Variants in COL6A3 observed in about 807,000 individuals in gnomAD.
COL6A3 encodes the protein collagen type VI alpha 3 chain.
A neutral mutation model predicts 274.1 loss-of-function variants in COL6A3; 137 were observed. That is an observed-to-expected ratio of 0.50 (90% CI 0.44 to 0.58). The LOEUF is 0.58. COL6A3 is among the 20% of genes least tolerant of loss of function. COL6A3 has a pLI of 0.00. For synonymous variants in COL6A3, 1,650 were observed against 1,650.6 expected (o/e 1.00, Z 0.01); for missense variants, 3,950 against 4,124.9 (o/e 0.96, Z 1.16).
chr2:237,407,237 C>A lies in COL6A3; in HGVS notation c.-31+6716G>T, dbSNP rs1363518544. Among the ~76,000 whole-genome samples, 3 of 152,140 alleles carry A rather than the reference C, an allele frequency of 2.0e-5. No homozygotes were observed. The highest frequency in any genetic ancestry group is 1.5e-5 in the Non-Finnish European group (1 of 68,030). On this transcript the variant is annotated intron_variant, in intron 1 of 43. Transcript: ENST00000295550. This position sits in a 1 kb window ranked among gnomAD's most constrained non-coding sequence, Gnocchi z 4.3. Reference sequence around the variant, plus strand: ...TTTGAATTTCTATTCTATGAAAATACTCTAGAACAATAATCTGTTTGACTC... The same window carrying A: ...TTTGAATTTCTATTCTATGAAAATAATCTAGAACAATAATCTGTTTGACTC...
At chr2:237,350,727 C>T (rs533310505) in intron 27 of COL6A3, among the ~76,000 whole-genome samples, 1 of 152,324 alleles carries the variant, frequency 6.6e-6, no homozygotes, top group South Asian at 2.1e-4. Flanking sequence ...AGCTGAGCCA[C>T]TGTGCGTGCA....
At chr2:237,336,556 C>T in intron 39 of COL6A3, 24 bp from the exon 40 acceptor site, 3 of 1,612,188 alleles carry the variant, frequency 1.9e-6, no homozygotes, top group Non-Finnish European at 1.7e-6. Context: ...TTAAATATTA[C>T]CTCTACTTTT....
At chr2:237,392,339 A>G (rs1338474574) in intron 3 of COL6A3, among the ~76,000 whole-genome samples, 1 of 152,164 alleles carries the variant, frequency 6.6e-6, no homozygotes, top group East Asian at 1.9e-4. Context: ...GTTATGAAAA[A>G]CTGACATCTG....
intron 3 of COL6A3, among the ~76,000 whole-genome samples, chr2:237,390,486 A>G (rs1226883791): frequency 6.6e-6 from 1 of 152,274 alleles, no homozygotes; most frequent in Non-Finnish European, 1.5e-5. Context: ...AGGCGGACCA[A>G]TGACCAATGT....
chr2:237,397,404 G>A (rs1321981353), intron 1 of COL6A3, among the ~76,000 whole-genome samples: 1 of 142,826 alleles, frequency 7.0e-6, no homozygotes, highest in Non-Finnish European at 1.5e-5. Context: ...GAAAAACAAA[G>A]AGGAGAGAAG....
chr2:237,408,237 A>G (rs1439961399), intron 1 of COL6A3, among the ~76,000 whole-genome samples: 1 of 152,208 alleles, frequency 6.6e-6, no homozygotes, highest in African/African-American at 2.4e-5. Context: ...GGGAAATTCT[A>G]CTTCCTTACT....
chr2:237,369,737 C>A (rs1574697393), intron 9 of COL6A3, among the ~76,000 whole-genome samples: 1 of 152,236 alleles, frequency 6.6e-6, no homozygotes. Context: ...CACATTAATG[C>A]TCCCCAGGCA....
At chr2:237,384,782 A>G (rs1442902447) in intron 4 of COL6A3, among the ~76,000 whole-genome samples, 1 of 151,746 alleles carries the variant, frequency 6.6e-6, no homozygotes, top group Non-Finnish European at 1.5e-5. Flanking sequence ...CCACTAACCC[A>G]CAGCCTACCT....
At chr2:237,349,219 G>A (rs1053926004) in intron 28 of COL6A3, among the ~76,000 whole-genome samples, 4 of 151,526 alleles carry the variant, frequency 2.6e-5, no homozygotes, top group East Asian at 1.9e-4. Flanking sequence ...AGAACTGGAC[G>A]TCATTAATTA....
chr2:237,358,492 T>C, intron 21 of COL6A3, 29 bp downstream of exon 21: 1 of 1,591,830 alleles, frequency 6.3e-7, no homozygotes, highest in Non-Finnish European at 8.6e-7. Context: ...CAGGCTCAGG[T>C]CTGAAATCGT....
At chr2:237,391,219 A>G (rs943716672) in intron 3 of COL6A3, among the ~76,000 whole-genome samples, 2 of 152,252 alleles carry the variant, frequency 1.3e-5, no homozygotes, top group Non-Finnish European at 2.9e-5. Flanking sequence ...GAGGAACTGC[A>G]GAGTGATGTT....
In COL6A3 at chr2:237,381,053, C is replaced by A. The variant is rs2077990679; in HGVS notation, c.1759G>T (p.Ala587Ser). The change falls in exon 5 of 44, where the codon GCC (alanine) becomes TCC (serine). Residue 587 changes from alanine to serine, a missense_variant. Transcript: ENST00000295550. Reference protein sequence around the residue: ...IMAFAIGNKGADQAELEEIAF... With the variant: ...IMAFAIGNKGSDQAELEEIAF... Reference sequence around the variant, plus strand: ...ATCTCTTCCAGCTCAGCCTGATCGGCACCCTTGTTCCCAATGGCAAAGGCC... The same window carrying A: ...ATCTCTTCCAGCTCAGCCTGATCGGAACCCTTGTTCCCAATGGCAAAGGCC... The A allele has an allele frequency of 3.1e-6, 5 of 1,614,072 alleles. No homozygotes were observed. The highest frequency in any genetic ancestry group is 4.2e-6 in the Non-Finnish European group (5 of 1,180,052).
intron 36 of COL6A3, chr2:237,342,690 A>C (rs56332992): frequency 0.068 from 10,869 of 158,760 alleles, 499 homozygotes; most frequent in Non-Finnish European, 0.1. Context: ...GAATGAATGA[A>C]TGAGCAAATA....
chr2:237,364,863 ATGTG>A lies in COL6A3; in HGVS notation c.5839-439_5839-436del, dbSNP rs1345981129. Reference sequence around the variant, plus strand: ...TGGGTGTACATGTGTGTGGGTGCGTATGTGTGTGCATGTGTATGGGTGCATGTGC... The same window carrying A: ...TGGGTGTACATGTGTGTGGGTGCGTATGTGCATGTGTATGGGTGCATGTGC... On this transcript the variant is annotated intron_variant, in intron 12 of 43. Transcript: ENST00000295550. This position sits in a 1 kb window ranked among gnomAD's most constrained non-coding sequence, Gnocchi z 4.6. Among the ~76,000 whole-genome samples, 4 of 145,328 alleles carry A rather than the reference ATGTG, an allele frequency of 2.8e-5. No individual in the cohort carries two copies. Among genetic ancestry groups the A allele is most frequent in the African/African-American group, 5.2e-5 (2 of 38,798 alleles).
intron 32 of COL6A3, among the ~76,000 whole-genome samples, chr2:237,345,468 C>G (rs1469997113): frequency 4.0e-5 from 6 of 151,032 alleles, no homozygotes; most frequent in Non-Finnish European, 1.5e-5. Context: ...AAGCTCACCA[C>G]CAATCCATGT....
intron 5 of COL6A3, among the ~76,000 whole-genome samples, chr2:237,379,590 T>C (rs1233027926): frequency 6.6e-6 from 1 of 152,166 alleles, no homozygotes; most frequent in Non-Finnish European, 1.5e-5. Flanking sequence ...ATATCACTCA[T>C]CCCAGCCAGG....
At position 237,374,502 on chromosome 2, in the gene COL6A3, C is replaced by A. The variant is rs748053172; in HGVS notation, c.3589G>T (p.Val1197Phe). 3 of 1,614,024 alleles carry A rather than the reference C, an allele frequency of 1.9e-6. No homozygotes were observed. In the Admixed American group the frequency reaches 5.0e-5, roughly 27 times the overall value. ...ACCCTCTCAGAGATGACCTGTTGGA[C>A]GGTCCCCAGCTGGCGAAAGGTGGGA... ...AIPTFRQLGT[V>F]QQVISERVTQ... Residue 1197 changes from valine to phenylalanine, a missense_variant, in exon 8 of 44, where the codon GTC becomes TTC. Transcript: ENST00000295550. The surrounding 1 kb of genome is among the most constrained non-coding windows in gnomAD (Gnocchi z 4.8).
chr2:237,414,028 C>G lies in COL6A3; in HGVS notation c.-106G>C, dbSNP rs2078918329. On this transcript the variant is annotated 5_prime_UTR_variant, in exon 1 of 44. Transcript: ENST00000295550. The stretch of plus-strand genomic sequence containing the variant: ...GTTTGAATAGGATGCATACTTTTCC[C>G]ACTCACTGCGTCTCTTTTTCTTTTT... 1.3e-5 allele frequency: 2 copies of G among 152,180 alleles called. No individual in the cohort carries two copies. The highest frequency in any genetic ancestry group is 2.9e-5 in the Non-Finnish European group (2 of 68,042). The allele number at this position is 152,180 out of a possible 1,614,324, so 9.4% of individuals were successfully genotyped here. A position where few individuals can be genotyped will look rare whatever the true frequency, so the allele number is the denominator to read the frequency against.
chr2:237,400,061 T>G (rs2078551635), intron 1 of COL6A3, among the ~76,000 whole-genome samples: 1 of 152,252 alleles, frequency 6.6e-6, no homozygotes, highest in Non-Finnish European at 1.5e-5. Flanking sequence ...AATGATATAG[T>G]GTAGACTACA....
Sources: gnomAD v4.1 joint callset for allele counts (sites outside exome capture counted in the v4.1 genomes callset) on GRCh38, gnomAD v4.1.1 for gene constraint, Gnocchi (gnomAD v3.1) non-coding constraint, MANE v1.5 for transcripts, NCBI Gene and HGNC (gene_info 2026-07-23, HGNC 2026-07-21) for gene names.